Variants in CEMIP observed in about 807,000 individuals in gnomAD.
CEMIP encodes the protein cell migration-inducing and hyaluronan-binding protein.
In CEMIP, 105 loss-of-function variants were observed where a neutral mutation model predicts 156.9. The ratio of observed to expected loss-of-function variants is 0.67; its 90% CI spans 0.57 to 0.79. The LOEUF (loss-of-function observed/expected upper bound fraction) is 0.79, where lower values mean the gene tolerates loss of function less well. Ranked by LOEUF, CEMIP falls within the 30% of genes least tolerant of loss-of-function variation. The pLI is 0.00. For missense variants in CEMIP, 1,457 were observed against 1,769.4 expected (o/e 0.82, Z 3.17); for synonymous variants, 676 against 668.4 (o/e 1.01, Z -0.17).
At position 80,925,649 on chromosome 15, in the gene CEMIP, C is replaced by T; in HGVS notation, c.2314C>T (p.Pro772Ser). ...ARYSPHQDAD[P>S]LKPREPAIIR... ...ATACAGCCCTCACCAGGACGCCGAC[C>T]CGCTGAAGCCCCGGGAGCCGGCCAT... Residue 772 changes from proline to serine, a missense_variant, in exon 19 of 30, where the codon CCG becomes TCG. This residue lies in a region of CEMIP where 798 missense variants were observed against 980.1 expected (regional missense o/e 0.81). Coordinates refer to ENST00000394685, the MANE Select transcript of CEMIP (RefSeq NM_001293298.2). 6.2e-7 allele frequency: 1 copy of T among 1,613,440 alleles called. No individual in the cohort carries two copies. The highest frequency in any genetic ancestry group is 8.5e-7 in the Non-Finnish European group (1 of 1,179,974).
intron 12 of CEMIP, among the ~76,000 whole-genome samples, chr15:80,896,782 C>G (rs1899243839): frequency 6.6e-6 from 1 of 152,122 alleles, no homozygotes; most frequent in Non-Finnish European, 1.5e-5. Context: ...CTATCTTAAG[C>G]AAAACAGGAA....
intron 1 of CEMIP, among the ~76,000 whole-genome samples, chr15:80,823,843 A>G (rs989590855): frequency 6.6e-6 from 1 of 152,246 alleles, no homozygotes; most frequent in Non-Finnish European, 1.5e-5. Context: ...CACATTTACA[A>G]TATGCCCAAC....
chr15:80,944,195 G>C (rs376138533), intron 28 of CEMIP, among the ~76,000 whole-genome samples: 1 of 152,120 alleles, frequency 6.6e-6, no homozygotes, highest in Non-Finnish European at 1.5e-5. Context: ...CAGGAGAATC[G>C]CTTGAACCCA....
At chr15:80,885,844 C>T (rs1822395975) in intron 7 of CEMIP, among the ~76,000 whole-genome samples, 1 of 152,186 alleles carries the variant, frequency 6.6e-6, no homozygotes, top group African/African-American at 2.4e-5. Flanking sequence ...AAGCAAGAGC[C>T]ACTGGAAAGG....
intron 7 of CEMIP, among the ~76,000 whole-genome samples, chr15:80,886,685 T>C (rs904429446): frequency 2.0e-5 from 3 of 152,204 alleles, no homozygotes; most frequent in Non-Finnish European, 4.4e-5. Flanking sequence ...GGAGCCTTCA[T>C]AAGGAAACGA....
chr15:80,932,393 G>T lies in CEMIP; in HGVS notation c.2793+354G>T, dbSNP rs1263446320. Among the ~76,000 whole-genome samples the T allele has an allele frequency of 6.6e-6, 1 of 152,178 alleles. No homozygotes were observed. Among genetic ancestry groups the T allele is most frequent in the Non-Finnish European group, 1.5e-5 (1 of 68,038 alleles). ...ACCAGGCCACCTGAGTTGGCACAAAGAATCTAACAAGCCCCACAGTTTCCA... is the reference window on the plus strand; with the variant it reads ...ACCAGGCCACCTGAGTTGGCACAAATAATCTAACAAGCCCCACAGTTTCCA... On this transcript the variant is annotated intron_variant, in intron 22 of 29. Transcript: ENST00000394685. This position sits in a 1 kb window ranked among gnomAD's most constrained non-coding sequence, Gnocchi z 4.5.
At chr15:80,884,528 T>C (rs1898771049) in intron 7 of CEMIP, among the ~76,000 whole-genome samples, 174 bp downstream of exon 7, 1 of 152,236 alleles carries the variant, frequency 6.6e-6, no homozygotes, top group African/African-American at 2.4e-5. Context: ...GAATTGTTCT[T>C]AAAGAATGCT....
chr15:80,893,981 C>T (rs1279398699), intron 10 of CEMIP, among the ~76,000 whole-genome samples: 2 of 152,168 alleles, frequency 1.3e-5, no homozygotes, highest in Non-Finnish European at 2.9e-5. Context: ...GATGCAGACA[C>T]ACCCTGGCTC....
At position 80,929,535 on chromosome 15, in the gene CEMIP, T is replaced by C. The variant is rs530711392; in HGVS notation, c.2612+361T>C. ...TCCACTCCTGAGGATGGCAGAGCAA[T>C]AGAGTCAGGCCGAAGCACACTTAAA... On this transcript the variant is annotated intron_variant, in intron 21 of 29. Coordinates refer to ENST00000394685, the MANE Select transcript of CEMIP (RefSeq NM_001293298.2). 3.9e-5 allele frequency among the ~76,000 whole-genome samples: 6 copies of C among 152,194 alleles called. No individual in the cohort carries two copies. In the East Asian group the frequency reaches 5.8e-4, roughly 15 times the overall value.
At position 80,948,323 on chromosome 15, in the gene CEMIP, G is replaced by C. The variant is rs899547944; in HGVS notation, c.3959-474G>C. The C allele has an allele frequency of 3.4e-5, 9 of 264,712 alleles. No individual in the cohort carries two copies. The South Asian group carries it at 4.1e-4, about 12-fold the overall frequency. The allele number at this position is 264,712 out of a possible 1,614,324, so 16.4% of individuals were successfully genotyped here. On this transcript the variant is annotated intron_variant, in intron 29 of 29. Transcript: ENST00000394685. ...GGTGCACCATTTACTCCACACTCTT[G>C]GTCAAATTTCTTCACCTCTCAGAAC...
intron 19 of CEMIP, among the ~76,000 whole-genome samples, chr15:80,927,140 A>G (rs1176476627): frequency 2.0e-5 from 3 of 152,100 alleles, no homozygotes; most frequent in Admixed American, 1.3e-4. Flanking sequence ...CAGGGCCTTC[A>G]TTTTGCACAG....
chr15:80,853,995 A>T (rs1416995079), intron 1 of CEMIP, among the ~76,000 whole-genome samples: 1 of 152,220 alleles, frequency 6.6e-6, no homozygotes, highest in Non-Finnish European at 1.5e-5. Context: ...CAAATGTAAT[A>T]CCCAGAAGCA....
intron 6 of CEMIP, among the ~76,000 whole-genome samples, chr15:80,882,444 C>A (rs1451393511): frequency 6.6e-6 from 1 of 152,174 alleles, no homozygotes; most frequent in South Asian, 2.1e-4. Flanking sequence ...CCACGGATAA[C>A]GGCTGACACC....
chr15:80,887,010 T>TG (rs1898866747), intron 7 of CEMIP, among the ~76,000 whole-genome samples: 1 of 152,200 alleles, frequency 6.6e-6, no homozygotes, highest in African/African-American at 2.4e-5. Context: ...GTTGCCATTT[T>TG]GGGGGGTAGC....
intron 1 of CEMIP, among the ~76,000 whole-genome samples, chr15:80,809,225 T>C (rs1314782448): frequency 6.6e-6 from 1 of 152,236 alleles, no homozygotes; most frequent in African/African-American, 2.4e-5. Context: ...GTGATGTTTA[T>C]AATAGTGAAT....
intron 1 of CEMIP, among the ~76,000 whole-genome samples, chr15:80,839,092 G>C (rs1897328885): frequency 1.3e-5 from 2 of 152,220 alleles, no homozygotes; most frequent in Admixed American, 6.5e-5. Context: ...GGCTGGGGTT[G>C]AGGTGTTCGG....
Position 80,879,798 on chromosome 15 carries a change from T to A in CEMIP, c.324T>A (p.His108Gln), listed in dbSNP as rs1252606878. 6.2e-7 allele frequency: 1 copy of A among 1,614,208 alleles called. No individual in the cohort carries two copies. The highest frequency in any genetic ancestry group is 8.5e-7 in the Non-Finnish European group (1 of 1,180,020). The change falls in exon 5 of 30, where the codon CAT becomes CAA. Residue 108 changes from histidine (H) to glutamine (Q), a missense_variant. By Grantham distance (24) the His-to-Gln change is conservative (BLOSUM62 0). Coordinates refer to ENST00000394685, the MANE Select transcript of CEMIP (RefSeq NM_001293298.2). ...TGATTGACAACGGAGGAGAGCTGCA[T>A]GCTGGGAGTGCCCTCTGCCCTTTCC... Reference protein sequence around the residue: ...HILIDNGGELHAGSALCPFQG... With the variant: ...HILIDNGGELQAGSALCPFQG...
intron 1 of CEMIP, among the ~76,000 whole-genome samples, chr15:80,812,705 A>T (rs1337675610): frequency 6.6e-6 from 1 of 152,174 alleles, no homozygotes; most frequent in East Asian, 1.9e-4. Context: ...GACTAACCAG[A>T]TTTATAGTTA....
chr15:80,839,933 G>A (rs1897358743), intron 1 of CEMIP, among the ~76,000 whole-genome samples: 1 of 152,230 alleles, frequency 6.6e-6, no homozygotes, highest in South Asian at 2.1e-4. Flanking sequence ...TTTTATAGCT[G>A]AGGACACAGA....
Sources: allele counts gnomAD v4.1 joint callset (sites outside exome capture counted in the v4.1 genomes callset), GRCh38; gene constraint gnomAD v4.1.1; regional missense constraint gnomAD v4.1.1; non-coding constraint Gnocchi (gnomAD v3.1); transcripts MANE v1.5; gene names NCBI Gene and HGNC (gene_info 2026-07-23, HGNC 2026-07-21).